CALCR: variants seen among roughly 807,000 people sequenced by gnomAD.
CALCR encodes calcitonin receptor.
CALCR carries 47 observed loss-of-function variants against 59.5 expected under a neutral mutation model. The ratio of observed to expected loss-of-function variants is 0.79; its 90% confidence interval spans 0.63 to 1.01. The LOEUF is 1.01. Among genes scored for constraint, CALCR ranks in the 50% least tolerant of loss-of-function variants. The probability of loss-of-function intolerance (pLI) is 0.00; values close to 1 mark genes in which losing one functional copy is unlikely to be tolerated. For synonymous variants in CALCR, 213 were observed against 211.3 expected (o/e 1.01, Z -0.07); for missense variants, 566 against 597.1 (o/e 0.95, Z 0.54).
chr7:93,545,840 A>G (rs935156360), intron 2 of CALCR, among the ~76,000 whole-genome samples: 1 of 152,056 alleles, frequency 6.6e-6, no homozygotes, highest in Non-Finnish European at 1.5e-5. Flanking sequence ...TCTCCTCACT[A>G]CACTCCATGC....
intron 5 of CALCR, among the ~76,000 whole-genome samples, chr7:93,475,837 C>G (rs929581516): frequency 2.0e-5 from 3 of 151,784 alleles, no homozygotes; most frequent in Non-Finnish European, 4.4e-5. Flanking sequence ...AAACCAAACA[C>G]CCCCATTATT....
intron 2 of CALCR, among the ~76,000 whole-genome samples, chr7:93,514,211 G>T (rs1801606461): frequency 6.6e-6 from 1 of 151,906 alleles, no homozygotes; most frequent in Non-Finnish European, 1.5e-5. Context: ...TACCATCAAA[G>T]AAATAGAAAA....
chr7:93,569,491 A>G (rs1337583661), intron 2 of CALCR, among the ~76,000 whole-genome samples: 5 of 152,028 alleles, frequency 3.3e-5, no homozygotes, highest in Non-Finnish European at 7.4e-5. Context: ...TGTCATTTCA[A>G]TGCTGAATCA....
intron 11 of CALCR, 137 bp from the exon 12 acceptor site, chr7:93,436,307 G>T: frequency 1.5e-6 from 1 of 680,260 alleles, no homozygotes; most frequent in Non-Finnish European, 2.5e-6. Flanking sequence ...CTGAGAGGTA[G>T]CACAATTGGC....
At chr7:93,468,834 A>ACAAACAAACAAC in intron 6 of CALCR, 28 bp from the exon 7 acceptor site, 4 of 1,260,578 alleles carry the variant, frequency 3.2e-6, no homozygotes, top group Non-Finnish European at 4.6e-6. Context: ...AAACAAACAA[A>ACAAACAAACAAC]CAATGAATGA....
intron 13 of CALCR, among the ~76,000 whole-genome samples, chr7:93,430,215 G>A (rs919100630): frequency 7.2e-5 from 11 of 152,068 alleles, no homozygotes; most frequent in African/African-American, 1.2e-4. Flanking sequence ...GATTACAGGC[G>A]TGAGCCACCA....
intron 2 of CALCR, among the ~76,000 whole-genome samples, chr7:93,517,180 C>T (rs1000242806): frequency 4.6e-5 from 7 of 151,724 alleles, no homozygotes; most frequent in East Asian, 1.9e-4. Context: ...GTTTTTACTA[C>T]CCAATACCTA....
chr7:93,472,230 T>G, intron 6 of CALCR, 145 bp downstream of exon 6: 2 of 591,558 alleles, frequency 3.4e-6, no homozygotes, highest in Non-Finnish European at 3.0e-6. Context: ...ACTCTAGAGA[T>G]TCCTAGAACT....
At chr7:93,504,796 A>G (rs1218506353) in intron 2 of CALCR, among the ~76,000 whole-genome samples, 1 of 152,146 alleles carries the variant, frequency 6.6e-6, no homozygotes, top group Non-Finnish European at 1.5e-5. Context: ...TCTTAGGAAG[A>G]CTGAGTTAGT....
At chr7:93,543,089 T>C (rs1789191093) in intron 2 of CALCR, among the ~76,000 whole-genome samples, 1 of 152,190 alleles carries the variant, frequency 6.6e-6, no homozygotes, top group African/African-American at 2.4e-5. Flanking sequence ...TAATTGTATA[T>C]GCCACATTTT....
intron 7 of CALCR, among the ~76,000 whole-genome samples, chr7:93,467,848 T>C (rs1308161462): frequency 6.6e-6 from 1 of 151,658 alleles, no homozygotes; most frequent in Admixed American, 6.6e-5. Flanking sequence ...TCACTTATTA[T>C]GTGTCAGACA....
At chr7:93,560,302 C>A (rs1180316099) in intron 2 of CALCR, among the ~76,000 whole-genome samples, 1 of 151,954 alleles carries the variant, frequency 6.6e-6, no homozygotes, top group Non-Finnish European at 1.5e-5. Context: ...TAAAACAATG[C>A]TCTACCCTAG....
rs767263436 is a variant in CALCR at position 93,472,465 on chromosome 7, A to T, written c.339T>A (p.Asp113Glu). The T allele has an allele frequency of 1.5e-5, 24 of 1,605,496 alleles. No individual in the cohort carries two copies. The Admixed American group carries it at 1.8e-4, about 12-fold the overall frequency. Reference sequence around the variant, plus strand: ...GATGTTTAAACCAAACACCTTTTTCATCACAGTATTTTGTAACCTTTTCTG... The same window carrying T: ...GATGTTTAAACCAAACACCTTTTTCTTCACAGTATTTTGTAACCTTTTCTG... ...DPSEKVTKYCDEKGVWFKHPE... is the reference protein window; with the variant it reads ...DPSEKVTKYCEEKGVWFKHPE... Residue 113 changes from aspartate (D) to glutamate (E), a missense_variant, in exon 6 of 14, where the codon GAT (aspartate) becomes GAA (glutamate). Asp to Glu is a conservative substitution (Grantham distance 45). Transcript: ENST00000426151.
chr7:93,551,334 T>C (rs922512121), intron 2 of CALCR, among the ~76,000 whole-genome samples: 23 of 152,216 alleles, frequency 1.5e-4, no homozygotes, highest in Admixed American at 8.5e-4. Flanking sequence ...TCTAAGAGCC[T>C]TTGTCAGGGA....
chr7:93,519,615 A>G (rs1280660169), intron 2 of CALCR, among the ~76,000 whole-genome samples: 1 of 152,086 alleles, frequency 6.6e-6, no homozygotes, highest in Admixed American at 6.6e-5. Flanking sequence ...ACATTTCCAA[A>G]TTCAATTCTG....
At chr7:93,441,475 G>A (rs1031210467) in intron 9 of CALCR, 3 of 446,598 alleles carry the variant, frequency 6.7e-6, no homozygotes, top group South Asian at 1.6e-5. Context: ...TGGAAATCTA[G>A]AAATTGTTGA....
At chr7:93,555,495 A>T (rs775062166) in intron 2 of CALCR, among the ~76,000 whole-genome samples, 7 of 152,174 alleles carry the variant, frequency 4.6e-5, no homozygotes, top group Non-Finnish European at 1.0e-4. Flanking sequence ...TAGTGGTTTA[A>T]ACTGCAAAAA....
intron 2 of CALCR, among the ~76,000 whole-genome samples, chr7:93,556,849 T>G (rs536512247): frequency 1.3e-5 from 2 of 152,154 alleles, no homozygotes; most frequent in East Asian, 3.9e-4. Flanking sequence ...CAAATGATAT[T>G]GCAAAGAATA....
intron 2 of CALCR, among the ~76,000 whole-genome samples, chr7:93,566,486 A>G (rs763712812): frequency 7.9e-5 from 12 of 152,296 alleles, no homozygotes; most frequent in Non-Finnish European, 1.2e-4. Flanking sequence ...GGCTCTGATC[A>G]TCTAAGACAA....
Sources: allele counts gnomAD v4.1 joint callset (sites outside exome capture counted in the v4.1 genomes callset), GRCh38; gene constraint gnomAD v4.1.1; transcripts MANE v1.5; gene names NCBI Gene and HGNC (gene_info 2026-07-23, HGNC 2026-07-21).